The following OR2L13 variants were observed in gnomAD, a reference collection of about 807,000 sequenced individuals.
The protein encoded by OR2L13 is olfactory receptor family 2 subfamily L member 13.
In OR2L13, 14 loss-of-function variants were observed where a neutral mutation model predicts 15.3. The ratio of observed to expected loss-of-function variants is 0.91; its 90% confidence interval spans 0.60 to 1.43. OR2L13 has a LOEUF of 1.43. OR2L13 is among the 40% of genes most tolerant of loss of function. The probability of loss-of-function intolerance (pLI) is 0.00; values close to 1 mark genes in which losing one functional copy is unlikely to be tolerated. For missense variants in OR2L13, 367 were observed against 387.9 expected, an observed-to-expected ratio of 0.95 and a Z score of 0.45; for synonymous variants, 152 against 142.9, an observed-to-expected ratio of 1.06 and a Z score of -0.45.
chr1:247,995,526 T>G, the OR2L13 span, among the ~76,000 whole-genome samples: 1 of 152,342 alleles, frequency 6.6e-6, no homozygotes, highest in South Asian at 2.1e-4. Context: ...AGAAAAAATT[T>G]TTGTGTTTCA....
the OR2L13 span, among the ~76,000 whole-genome samples, chr1:248,075,023 GA>G: frequency 1.3e-5 from 2 of 151,576 alleles, no homozygotes; most frequent in Non-Finnish European, 2.9e-5. Flanking sequence ...CCCTCCCCCA[GA>G]CCCCCAGCCC....
the OR2L13 span, among the ~76,000 whole-genome samples, chr1:247,981,836 G>A: frequency 1.4e-5 from 2 of 147,390 alleles, no homozygotes; most frequent in Non-Finnish European, 3.0e-5. Flanking sequence ...TTTTTTTTGA[G>A]ACGGAGTCTC....
At chr1:248,022,312 A>T in the OR2L13 span, 37 of 1,613,972 alleles carry the variant, frequency 2.3e-5, no homozygotes, top group Non-Finnish European at 3.1e-5. Flanking sequence ...TATGATCGTT[A>T]TGTGGCCATT....
upstream of OR2L13, among the ~76,000 whole-genome samples, chr1:248,093,259 A>G (rs1664642386): frequency 6.6e-6 from 1 of 152,228 alleles, no homozygotes; most frequent in Non-Finnish European, 1.5e-5. Flanking sequence ...GCAGAGAACA[A>G]GAACATACTG....
chr1:248,084,355 C>T, the OR2L13 span: 1 of 1,612,866 alleles, frequency 6.2e-7, no homozygotes, highest in South Asian at 1.1e-5. Context: ...AAGTAGTCAG[C>T]CGCCATTTTG....
At chr1:248,042,232 A>C in the OR2L13 span, 1 of 151,966 alleles carries the variant, frequency 6.6e-6, no homozygotes, top group Non-Finnish European at 1.5e-5. Flanking sequence ...GGAAATCATC[A>C]TTCTCACTAA....
the OR2L13 span, among the ~76,000 whole-genome samples, chr1:247,940,224 C>T: frequency 2.6e-5 from 4 of 152,026 alleles, no homozygotes; most frequent in Non-Finnish European, 4.4e-5. Flanking sequence ...TTAAGAATAT[C>T]CTGAAAATTA....
chr1:247,960,643 GGCACCCCTCCCCCA>G, the OR2L13 span, among the ~76,000 whole-genome samples: 1 of 152,270 alleles, frequency 6.6e-6, no homozygotes, highest in Non-Finnish European at 1.5e-5. Context: ...AGCAATGGCA[GGCACCCCTCCCCCA>G]GCCTCGCTGC....
At chr1:248,021,945 C>T in the OR2L13 span, 5 of 1,608,746 alleles carry the variant, frequency 3.1e-6, no homozygotes, top group Admixed American at 8.4e-5. Flanking sequence ...GTATGAATGC[C>T]CCATGGAAAA....
chr1:248,022,205 T>G, the OR2L13 span: 1 of 1,614,164 alleles, frequency 6.2e-7, no homozygotes, highest in Non-Finnish European at 8.5e-7. Flanking sequence ...ATTTTCTGTA[T>G]GGAAACAAGT....
At chr1:248,049,098 A>C in the OR2L13 span, among the ~76,000 whole-genome samples, 104 of 152,272 alleles carry the variant, frequency 6.8e-4, no homozygotes, top group Non-Finnish European at 1.2e-3. Context: ...GGAAAACTGC[A>C]GTATCTGGAC....
At chr1:248,026,332 C>A in the OR2L13 span, among the ~76,000 whole-genome samples, 1 of 152,204 alleles carries the variant, frequency 6.6e-6, no homozygotes, top group Non-Finnish European at 1.5e-5. Flanking sequence ...CCTGAGACAG[C>A]AAGACCAACC....
chr1:247,990,494 T>G, the OR2L13 span: 1 of 1,574,330 alleles, frequency 6.4e-7, no homozygotes, highest in Non-Finnish European at 8.7e-7. Context: ...TTTCCACCAT[T>G]GTTCCTAAGA....
At chr1:248,085,436 T>TAAAATAAAATAAAATAATAA in the OR2L13 span, among the ~76,000 whole-genome samples, 242 of 84,526 alleles carry the variant, frequency 2.9e-3, 23 homozygotes, top group African/African-American at 6.0e-3. Flanking sequence ...TAAAATAAAA[T>TAAAATAAAATAAAATAATAA]AATAAAATAA....
chr1:248,008,384 G>T, the OR2L13 span, among the ~76,000 whole-genome samples: 1 of 151,960 alleles, frequency 6.6e-6, no homozygotes, highest in Admixed American at 6.6e-5. Flanking sequence ...TCATACTCTT[G>T]TGAAGAGTCA....
the OR2L13 span, among the ~76,000 whole-genome samples, chr1:248,031,209 G>A: frequency 6.6e-6 from 1 of 152,152 alleles, no homozygotes; most frequent in East Asian, 1.9e-4. Context: ...TATAATGGCT[G>A]AGACTGCTTT....
the OR2L13 span, among the ~76,000 whole-genome samples, chr1:247,976,354 A>G: frequency 1.3e-5 from 2 of 152,190 alleles, no homozygotes; most frequent in Non-Finnish European, 2.9e-5. Context: ...ATAAATCAAC[A>G]CATCTATACA....
the OR2L13 span, among the ~76,000 whole-genome samples, chr1:247,993,760 GGGGAGAGAGAGAGAGAGAGAGA>G: frequency 2.8e-4 from 15 of 53,768 alleles, no homozygotes; most frequent in South Asian, 1.3e-3. Context: ...ACAGAGAGAG[GGGGAGAGAGAGAGAGAGAGAGA>G]GAGAGAGAGA....
the OR2L13 span, among the ~76,000 whole-genome samples, chr1:248,075,622 C>T: frequency 9.9e-5 from 15 of 152,242 alleles, no homozygotes; most frequent in South Asian, 3.1e-3. Context: ...AGCATTTTTT[C>T]ATTTGTCTTT....
Sources: allele counts gnomAD v4.1 joint callset (sites outside exome capture counted in the v4.1 genomes callset), GRCh38; gene constraint gnomAD v4.1.1; transcripts MANE v1.5; gene names NCBI Gene and HGNC (gene_info 2026-07-23, HGNC 2026-07-21).